Variants in FAM186A observed in about 807,000 individuals in gnomAD.
The protein encoded by FAM186A is protein FAM186A.
In FAM186A, 163 loss-of-function variants were observed where a neutral mutation model predicts 216.8. The ratio of observed to expected loss-of-function variants is 0.75; its 90% CI spans 0.66 to 0.86. The LOEUF is 0.86. FAM186A is among the 40% of genes least tolerant of loss of function. The pLI is 0.00. For synonymous variants in FAM186A, 805 were observed against 1,025.3 expected (o/e 0.79, Z 4.10); for missense variants, 2,184 against 2,746.2 (o/e 0.80, Z 4.58).
At chr12:50,378,285 C>A (rs1293985610) in intron 1 of FAM186A, among the ~76,000 whole-genome samples, 1 of 151,192 alleles carries the variant, frequency 6.6e-6, no homozygotes, top group Non-Finnish European at 1.5e-5. Flanking sequence ...AATCCCAACA[C>A]TTTGGGAGGC....
intron 4 of FAM186A, among the ~76,000 whole-genome samples, chr12:50,345,931 T>C (rs574540542): frequency 2.9e-4 from 43 of 150,368 alleles, no homozygotes; most frequent in African/African-American, 1.0e-3. Flanking sequence ...ATCTGTAGAC[T>C]ACTTTGAATA....
intron 4 of FAM186A, among the ~76,000 whole-genome samples, chr12:50,342,720 G>A (rs1009977661): frequency 1.3e-5 from 2 of 150,728 alleles, no homozygotes; most frequent in Non-Finnish European, 2.9e-5. Flanking sequence ...TGATCCACCC[G>A]CCTCAGCCTC....
At chr12:50,358,649 G>A (rs1943001262) in intron 3 of FAM186A, among the ~76,000 whole-genome samples, 1 of 152,032 alleles carries the variant, frequency 6.6e-6, no homozygotes, top group Non-Finnish European at 1.5e-5. Flanking sequence ...ACTCGGCCAG[G>A]CGCAGTGGCT....
At chr12:50,342,660 T>C (rs1942775878) in intron 4 of FAM186A, among the ~76,000 whole-genome samples, 1 of 151,806 alleles carries the variant, frequency 6.6e-6, no homozygotes, top group African/African-American at 2.4e-5. Context: ...GTATTTTTAG[T>C]AGAGACAGGG....
At chr12:50,374,617 C>T (rs922321574) in intron 1 of FAM186A, among the ~76,000 whole-genome samples, 34 of 152,042 alleles carry the variant, frequency 2.2e-4, no homozygotes, top group Admixed American at 2.2e-3. Flanking sequence ...CTAAAAGAAG[C>T]TCGATAATAA....
intron 1 of FAM186A, among the ~76,000 whole-genome samples, chr12:50,375,098 A>C (rs1943184404): frequency 6.6e-6 from 1 of 152,190 alleles, no homozygotes; most frequent in African/African-American, 2.4e-5. Context: ...GAATCGCTTG[A>C]ACCCAGGAGG....
At chr12:50,338,571 C>T (rs1255748780) in intron 4 of FAM186A, among the ~76,000 whole-genome samples, 1 of 152,124 alleles carries the variant, frequency 6.6e-6, no homozygotes, top group Non-Finnish European at 1.5e-5. Context: ...CAGAGAAGTT[C>T]TGGAAATTTG....
At position 50,354,100 on chromosome 12, in the gene FAM186A, C is replaced by T. The variant is rs1942944369; in HGVS notation, c.2732G>A (p.Gly911Glu). 2 of 1,551,736 alleles carry T rather than the reference C, an allele frequency of 1.3e-6. No individual in the cohort carries two copies. The highest frequency in any genetic ancestry group is 2.7e-5 in the African/African-American group (2 of 73,166). Residue 911 changes from glycine (G) to glutamate (E), a missense_variant, in exon 4 of 8, where the codon GGA becomes GAA. By Grantham distance (98) the Gly-to-Glu change is moderately conservative. Around this residue, in one of 7 missense-constraint regions of FAM186A, gnomAD observed 1,132 missense variants for 1,263.4 expected, o/e 0.90. Coordinates refer to ENST00000327337, the MANE Select transcript of FAM186A (RefSeq NM_001145475.3). ...AEQEEKQKQR[G>E]QEEEELPKSS... ...CTTTGGAAGCTCTTCTTCCTCCTGT[C>T]CTCTTTGCTTTTGCTTTTCCTCTTG...
intron 2 of FAM186A, among the ~76,000 whole-genome samples, chr12:50,361,868 G>A (rs1565889505): frequency 1.3e-5 from 2 of 152,064 alleles, no homozygotes; most frequent in Non-Finnish European, 2.9e-5. Context: ...ACCGCGCCCG[G>A]CCATTATCCA....
chr12:50,383,815 T>A (rs1943277091), intron 1 of FAM186A, among the ~76,000 whole-genome samples: 1 of 151,350 alleles, frequency 6.6e-6, no homozygotes, highest in South Asian at 2.1e-4. Context: ...TAAACCAGCC[T>A]AATGTGAAAA....
At position 50,351,476 on chromosome 12, in the gene FAM186A, G is replaced by A; in HGVS notation, c.5356C>T (p.Pro1786Ser). The change falls in exon 4 of 8, where the codon CCT (proline) becomes TCT (serine). Residue 1786 changes from proline to serine, a missense_variant. Pro to Ser is a moderately conservative substitution (Grantham distance 74, BLOSUM62 -1). Transcript: ENST00000327337. The part of the protein sequence containing the change: ...KPLEMGILSE[P>S]GKLGAPQTLR... ...GTCTGTGGTGCCCCAAGCTTCCCAGGCTCAGAAAGAATCCCCATTTCTAGG... is the reference window on the plus strand; with the variant it reads ...GTCTGTGGTGCCCCAAGCTTCCCAGACTCAGAAAGAATCCCCATTTCTAGG... The A allele has an allele frequency of 6.7e-7, 1 of 1,481,532 alleles. No individual in the cohort carries two copies. Among genetic ancestry groups the A allele is most frequent in the Non-Finnish European group, 8.9e-7 (1 of 1,118,356 alleles). 91.8% of individuals were successfully genotyped at this position (1,481,532 alleles called of 1,614,324 possible).
At chr12:50,329,954 T>C (rs959537919) in intron 7 of FAM186A, among the ~76,000 whole-genome samples, 1 of 152,212 alleles carries the variant, frequency 6.6e-6, no homozygotes, top group African/African-American at 2.4e-5. Context: ...ACTGCTCCTG[T>C]GAACTCTTGC....
intron 1 of FAM186A, among the ~76,000 whole-genome samples, chr12:50,365,140 T>A (rs1004196315): frequency 1.3e-5 from 2 of 150,958 alleles, no homozygotes; most frequent in Non-Finnish European, 2.9e-5. Flanking sequence ...AATAAAAAAA[T>A]GTTCTTTAAA....
intron 1 of FAM186A, among the ~76,000 whole-genome samples, chr12:50,391,384 T>G (rs958809674): frequency 1.3e-5 from 2 of 151,704 alleles, no homozygotes; most frequent in African/African-American, 4.8e-5. Flanking sequence ...GGCGCGATCT[T>G]GGCTCACTGC....
chr12:50,361,814 G>T (rs1272406660), intron 2 of FAM186A, among the ~76,000 whole-genome samples: 1 of 151,766 alleles, frequency 6.6e-6, no homozygotes, highest in Non-Finnish European at 1.5e-5. Flanking sequence ...GGGGTGATCT[G>T]CCAGCCTCGG....
In FAM186A at chr12:50,347,603, C is replaced by T. The variant is rs1942832471; in HGVS notation, c.6503+2726G>A. On this transcript the variant is annotated intron_variant, in intron 4 of 7. Coordinates refer to ENST00000327337, the MANE Select transcript of FAM186A (RefSeq NM_001145475.3). ...AAAATTAGCTGGGCATGGTGGCACACACCTCCAGCTACTCTAGAGGCTGAG... is the reference window on the plus strand; with the variant it reads ...AAAATTAGCTGGGCATGGTGGCACATACCTCCAGCTACTCTAGAGGCTGAG... 5.3e-5 allele frequency among the ~76,000 whole-genome samples: 8 copies of T among 151,446 alleles called. No individual in the cohort carries two copies. In the South Asian group the frequency reaches 1.7e-3, roughly 32 times the overall value.
intron 6 of FAM186A, 76 bp from the exon 7 acceptor site, chr12:50,330,834 C>T: frequency 1.6e-6 from 2 of 1,261,838 alleles, no homozygotes; most frequent in Admixed American, 3.3e-5. Flanking sequence ...CTTATTCTCC[C>T]CTCTTCACTG....
intron 1 of FAM186A, among the ~76,000 whole-genome samples, chr12:50,395,224 GACT>G (rs1565899909): frequency 6.6e-6 from 1 of 152,018 alleles, no homozygotes; most frequent in East Asian, 1.9e-4. Flanking sequence ...AAGGAGCTGG[GACT>G]ACAGGTTTGA....
chr12:50,383,278 A>AAAAAAAAAAAAATAG (rs1555218962), intron 1 of FAM186A, among the ~76,000 whole-genome samples: 2 of 49,170 alleles, frequency 4.1e-5, no homozygotes, highest in Non-Finnish European at 8.8e-5. Context: ...AAAAAAAAAA[A>AAAAAAAAAAAAATAG]AGAGAGAGAG....
Sources: gnomAD v4.1 joint callset for allele counts (sites outside exome capture counted in the v4.1 genomes callset) on GRCh38, gnomAD v4.1.1 for gene constraint, gnomAD v4.1.1 regional missense constraint, MANE v1.5 for transcripts, NCBI Gene and HGNC (gene_info 2026-07-23, HGNC 2026-07-21) for gene names.